TTLL8: variants seen among roughly 807,000 people sequenced by gnomAD.
TTLL8 encodes the protein protein monoglycylase TTLL8.
TTLL8 carries 65 observed loss-of-function variants against 77.8 expected under a neutral mutation model. The observed-to-expected ratio is 0.84, with a 90% CI of 0.68 to 1.03. The LOEUF (loss-of-function observed/expected upper bound fraction) is 1.03. Among genes scored for constraint, TTLL8 ranks in the 50% least tolerant of loss-of-function variants. The pLI is 0.00. For missense variants in TTLL8, 910 were observed against 1,004.5 expected, an observed-to-expected ratio of 0.91 and a Z score of 1.27; for synonymous variants, 402 against 422.8, an observed-to-expected ratio of 0.95 and a Z score of 0.60.
intron 10 of TTLL8, 71 bp downstream of exon 11, chr22:50,033,131 C>T (rs941162198): frequency 4.7e-6 from 6 of 1,268,320 alleles, no homozygotes; most frequent in East Asian, 5.6e-5. Flanking sequence ...CTTCTCACTG[C>T]GGCTGCTCCA....
At chr22:50,045,745 C>T (rs555538854) in intron 5 of TTLL8, 111 bp downstream of exon 7, 18 of 1,227,424 alleles carry the variant, frequency 1.5e-5, no homozygotes, top group Admixed American at 2.9e-5. Flanking sequence ...GGCCTCTCCC[C>T]GGTCCTCTAT....
rs1427863258 is a variant in TTLL8, at chr22:50,049,379, C to CCGGGTCCGTTACCA, written c.191-71_191-58dup. On this transcript the variant is annotated intron_variant, in intron 2 of 13. Coordinates refer to ENST00000266182, the Ensembl canonical transcript of TTLL8. The stretch of plus-strand genomic sequence containing the variant: ...TGAAGCCTCAGCCAGACTTCCCGCA[C>CCGGGTCCGTTACCA]CGGGTCCGTTACCACAACCGCAGGC... 7.2e-5 allele frequency: 98 copies of CCGGGTCCGTTACCA among 1,363,386 alleles called. 1 individual carries two copies. The highest frequency in any genetic ancestry group is 8.6e-5 in the Non-Finnish European group (88 of 1,020,594). 84.5% of individuals were successfully genotyped at this position (1,363,386 alleles called of 1,614,324 possible).
intron 12 of TTLL8, chr22:50,027,741 G>C (rs891534516): frequency 2.0e-6 from 2 of 985,446 alleles, no homozygotes; most frequent in African/African-American, 3.5e-5. Flanking sequence ...CGGTGCGGTT[G>C]CCTGACTGTC....
chr22:50,026,441 T>C, intron 12 of TTLL8, among the ~76,000 whole-genome samples: 1 of 107,304 alleles, frequency 9.3e-6, no homozygotes, highest in Non-Finnish European at 1.9e-5. Context: ...GACACGGAAA[T>C]ACGCCTGCCA....
In TTLL8 at chr22:50,030,884, G is replaced by A. The variant is rs773119255; in HGVS notation, c.1749C>T (p.Cys583=). Reference sequence around the variant, plus strand: ...CTCTCCTCACACTGACGCCCGCCACGCAGAGGTCGGACCCGCTGAATGGGG... The same window carrying A: ...CTCTCCTCACACTGACGCCCGCCACACAGAGGTCGGACCCGCTGAATGGGG... The change falls in exon 12 of 14, where the codon TGC becomes TGT. Residue 583 remains cysteine, a synonymous_variant. Coordinates refer to ENST00000266182, the Ensembl canonical transcript of TTLL8. 5.3e-6 allele frequency: 7 copies of A among 1,324,612 alleles called. No individual in the cohort carries two copies. The South Asian group carries it at 7.2e-5, about 14-fold the overall frequency. 82.1% of individuals were successfully genotyped at this position (1,324,612 alleles called of 1,614,324 possible).
intron 8 of TTLL8, among the ~76,000 whole-genome samples, chr22:50,035,813 G>T (rs1488680422): frequency 6.6e-6 from 1 of 152,202 alleles, no homozygotes; most frequent in Non-Finnish European, 1.5e-5. Context: ...TCAGGAGGAT[G>T]ATCTGTGGGA....
Position 50,030,786 on chromosome 22 carries a change from G to T in TTLL8, c.1847C>A (p.Ala616Glu), listed in dbSNP as rs116119917. ...GTCTGGCATGGCCGAGGGGCCCCGTGCCTTCAGCGGCTGCGCGTCCAACAG... is the reference window on the plus strand; with the variant it reads ...GTCTGGCATGGCCGAGGGGCCCCGTTCCTTCAGCGGCTGCGCGTCCAACAG... Residue 616 changes from alanine to glutamate, a missense_variant, in exon 12 of 14, where the codon GCA becomes GAA. Ala to Glu is a moderately radical substitution (Grantham distance 107). Coordinates refer to ENST00000266182, the Ensembl canonical transcript of TTLL8. 864 of 1,348,664 alleles carry T rather than the reference G, an allele frequency of 6.4e-4. 3 individuals carry two copies. In the African/African-American group the frequency reaches 0.012, roughly 19 times the overall value. The allele number at this position is 1,348,664 out of a possible 1,614,324, so 83.5% of individuals were successfully genotyped here.
chr22:50,053,218 T>C (rs1378401982), intron 1 of TTLL8, among the ~76,000 whole-genome samples: 1 of 113,386 alleles, frequency 8.8e-6, no homozygotes, highest in South Asian at 2.6e-4. Flanking sequence ...CGAGACTCCA[T>C]CTCAAAAAAA....
At chr22:50,057,389 T>TG (rs1310532986), upstream of TTLL8, among the ~76,000 whole-genome samples, 1 of 23,250 alleles carries the variant, frequency 4.3e-5, no homozygotes, top group Non-Finnish European at 7.0e-5. Context: ...AGGTCTGGGT[T>TG]GGGGTCAGGT....
upstream of TTLL8, chr22:50,055,208 C>T (rs1022863314): frequency 5.5e-6 from 7 of 1,282,836 alleles, no homozygotes; most frequent in Admixed American, 2.4e-5. Context: ...TGTCCCCCTC[C>T]CCACCGAGTC....
chr22:50,020,260 T>TC (rs1257792941), intron 12 of TTLL8, among the ~76,000 whole-genome samples: 3 of 151,040 alleles, frequency 2.0e-5, no homozygotes, highest in African/African-American at 7.4e-5. Context: ...CATGCACTCC[T>TC]CCATCTGACG....
At chr22:50,036,427 C>T (rs1040544959) in intron 8 of TTLL8, among the ~76,000 whole-genome samples, 6 of 152,082 alleles carry the variant, frequency 3.9e-5, no homozygotes, top group African/African-American at 1.4e-4. Context: ...CGTCCTTGTA[C>T]ACTCGTGTAC....
intron 8 of TTLL8, among the ~76,000 whole-genome samples, chr22:50,037,277 C>T (rs1369304432): frequency 3.9e-5 from 6 of 152,002 alleles, no homozygotes; most frequent in Non-Finnish European, 7.4e-5. Context: ...GCCATCTCAG[C>T]TCACTGCAGC....
At position 50,041,008 on chromosome 22, in the gene TTLL8, T is replaced by A. The variant is rs1004771459; in HGVS notation, c.921+179A>T. Among the ~76,000 whole-genome samples the A allele has an allele frequency of 3.9e-5, 6 of 152,150 alleles. No individual in the cohort carries two copies. Among genetic ancestry groups the A allele is most frequent in the African/African-American group, 1.4e-4 (6 of 41,414 alleles). On this transcript the variant is annotated intron_variant, in intron 8 of 13. Coordinates refer to ENST00000266182, the Ensembl canonical transcript of TTLL8. The surrounding 1 kb of genome is among the most constrained non-coding windows in gnomAD (Gnocchi z 4.3). ...TGATGAGAGTCAGCGAGCCAGGAGC[T>A]CTGGGCCCAGGCATACATCTGCCAG... is the stretch of plus-strand genomic sequence containing the variant.
upstream of TTLL8, among the ~76,000 whole-genome samples, chr22:50,057,426 G>T (rs188852940): frequency 2.3e-5 from 2 of 88,756 alleles, no homozygotes; most frequent in African/African-American, 5.1e-5. Flanking sequence ...GTCTGGGTTG[G>T]GGGTCAGGTC....
At position 50,034,861 on chromosome 22, in the gene TTLL8, C is replaced by G. The variant is rs1379936185; in HGVS notation, c.922-399G>C. On this transcript the variant is annotated intron_variant, in intron 8 of 13. Transcript: ENST00000266182. The surrounding 1 kb of genome is among the most constrained non-coding windows in gnomAD (Gnocchi z 4.1). Reference sequence around the variant, plus strand: ...AGGCGGGGGCAGACGCAGCCATGCCCAGCTTCCGCCTGTGGTTGGTGGTGC... The same window carrying G: ...AGGCGGGGGCAGACGCAGCCATGCCGAGCTTCCGCCTGTGGTTGGTGGTGC... Among the ~76,000 whole-genome samples the G allele has an allele frequency of 6.6e-6, 1 of 152,152 alleles. No individual in the cohort carries two copies. Among genetic ancestry groups the G allele is most frequent in the Non-Finnish European group, 1.5e-5 (1 of 68,014 alleles).
chr22:50,057,534 GAGC>G (rs1382755051), upstream of TTLL8, among the ~76,000 whole-genome samples: 9 of 111,308 alleles, frequency 8.1e-5, no homozygotes, highest in African/African-American at 3.5e-4. Context: ...GGTCTGGGTT[GAGC>G]GGGAGGTCTG....
exon 10 of TTLL8, chr22:50,033,369 C>G (rs769785506): frequency 7.3e-7 from 1 of 1,365,386 alleles, no homozygotes; most frequent in East Asian, 4.6e-5. Context: ...GGACCACCCA[C>G]TTGTTGTCCC....
rs192093631 is a variant in TTLL8, at chr22:50,053,684, C to T, written c.51+892G>A. Among the ~76,000 whole-genome samples the T allele has an allele frequency of 2.0e-5, 3 of 152,256 alleles. No individual in the cohort carries two copies. The East Asian group carries it at 5.8e-4, about 29-fold the overall frequency. On this transcript the variant is annotated intron_variant, in intron 1 of 13. Transcript: ENST00000266182. Reference sequence around the variant, plus strand: ...GCCCAAAGGACAGTGAGAGAAAGCACAAATAGCGCATCCATGGTTGCCAGG... The same window carrying T: ...GCCCAAAGGACAGTGAGAGAAAGCATAAATAGCGCATCCATGGTTGCCAGG...
Sources: allele counts gnomAD v4.1 joint callset (sites outside exome capture counted in the v4.1 genomes callset), GRCh38; gene constraint gnomAD v4.1.1; non-coding constraint Gnocchi (gnomAD v3.1); transcripts MANE v1.5; gene names NCBI Gene and HGNC (gene_info 2026-07-23, HGNC 2026-07-21).